The following HS3ST4 variants were observed in gnomAD, a reference collection of about 807,000 sequenced individuals.
HS3ST4 encodes heparan sulfate-glucosamine 3-sulfotransferase 4.
A neutral mutation model predicts 29.2 loss-of-function variants in HS3ST4; 17 were observed. The observed-to-expected ratio is 0.58, with a 90% CI of 0.40 to 0.87. The LOEUF is 0.87. Ranked by LOEUF, HS3ST4 falls within the 40% of genes least tolerant of loss-of-function variation. HS3ST4 has a pLI of 0.00. For missense variants in HS3ST4, 627 were observed against 634.5 expected (o/e 0.99, Z 0.13); for synonymous variants, 314 against 285.7 (o/e 1.10, Z -1.00).
intron 1 of HS3ST4, among the ~76,000 whole-genome samples, chr16:25,795,228 C>T (rs1329489990): frequency 6.6e-6 from 1 of 152,050 alleles, no homozygotes; most frequent in African/African-American, 2.4e-5. Flanking sequence ...GCCTAGGCCT[C>T]CCAAAGTGCT....
rs1267470419 is a variant in HS3ST4 at position 25,701,030 on chromosome 16, T to TGGGGATAACTTGGTTTC, written c.734+7880_734+7896dup. ...GATTGCCTTACGTGATTGAGAAGTC[T>TGGGGATAACTTGGTTTC]GGGGATAACTTGGTTTCAGGAAAAA... On this transcript the variant is annotated intron_variant, in intron 1 of 1. Transcript: ENST00000331351. 3.3e-5 allele frequency among the ~76,000 whole-genome samples: 5 copies of TGGGGATAACTTGGTTTC among 152,164 alleles called. No homozygotes were observed. The East Asian group carries it at 9.6e-4, about 29-fold the overall frequency.
At chr16:25,749,238 A>C (rs1966703521) in intron 1 of HS3ST4, among the ~76,000 whole-genome samples, 1 of 152,212 alleles carries the variant, frequency 6.6e-6, no homozygotes, top group African/African-American at 2.4e-5. Context: ...TCACACCTGT[A>C]ATCCCAGCAC....
intron 1 of HS3ST4, among the ~76,000 whole-genome samples, chr16:25,978,369 C>T (rs1168124753): frequency 6.6e-6 from 1 of 152,232 alleles, no homozygotes; most frequent in Non-Finnish European, 1.5e-5. Context: ...GCCCTACAGT[C>T]TCTGTTGTAA....
chr16:26,075,257 G>A (rs949045843), intron 1 of HS3ST4, among the ~76,000 whole-genome samples: 5 of 152,114 alleles, frequency 3.3e-5, no homozygotes, highest in African/African-American at 1.2e-4. Context: ...CCCTTTTCCT[G>A]AGTCTCTCCT....
chr16:26,049,633 A>C (rs1356843866), intron 1 of HS3ST4, among the ~76,000 whole-genome samples: 2 of 152,138 alleles, frequency 1.3e-5, no homozygotes, highest in African/African-American at 4.8e-5. Flanking sequence ...GCAATTCTGC[A>C]GTGGACACCA....
At chr16:25,771,381 A>G (rs1235648916) in intron 1 of HS3ST4, among the ~76,000 whole-genome samples, 1 of 151,930 alleles carries the variant, frequency 6.6e-6, no homozygotes, top group East Asian at 1.9e-4. Flanking sequence ...GCTGTTCCCC[A>G]TCCAGTGCTC....
chr16:26,056,034 G>A lies in HS3ST4; in HGVS notation c.735-79578G>A, dbSNP rs1028449284. On this transcript the variant is annotated intron_variant, in intron 1 of 1. Transcript: ENST00000331351. ...TGTATCCTAATTTGCATGAGAAAGA[G>A]AGAGACAGAGAGAGAGAGAGAGAGA... Among the ~76,000 whole-genome samples the A allele has an allele frequency of 3.3e-4, 19 of 57,592 alleles. No homozygotes were observed. The East Asian group carries it at 6.5e-3, about 20-fold the overall frequency. The allele number at this position is 57,592 out of a possible 152,430, so 37.8% of individuals were successfully genotyped here. A position where few individuals can be genotyped will look rare whatever the true frequency, so the allele number is the denominator to read the frequency against.
intron 1 of HS3ST4, among the ~76,000 whole-genome samples, chr16:25,889,255 T>A (rs2141667952): frequency 6.6e-6 from 1 of 152,306 alleles, no homozygotes; most frequent in South Asian, 2.1e-4. Context: ...TGAGGGACTC[T>A]CTCCTTTGCC....
At chr16:25,783,936 G>T (rs187270274) in intron 1 of HS3ST4, among the ~76,000 whole-genome samples, 1 of 152,126 alleles carries the variant, frequency 6.6e-6, no homozygotes, top group Non-Finnish European at 1.5e-5. Context: ...CACATTGAGG[G>T]TTTCTGGCGA....
At chr16:25,852,734 GA>G (rs1967534223) in intron 1 of HS3ST4, among the ~76,000 whole-genome samples, 1 of 151,838 alleles carries the variant, frequency 6.6e-6, no homozygotes, top group Non-Finnish European at 1.5e-5. Flanking sequence ...TTAATTACAT[GA>G]AATCAAGCAG....
chr16:25,841,565 G>T (rs1189846322), intron 1 of HS3ST4, among the ~76,000 whole-genome samples: 1 of 152,188 alleles, frequency 6.6e-6, no homozygotes, highest in East Asian at 1.9e-4. Flanking sequence ...GATTATAGGT[G>T]TAAGCCACTG....
chr16:26,067,028 A>T (rs1898551064), intron 1 of HS3ST4, among the ~76,000 whole-genome samples: 1 of 152,154 alleles, frequency 6.6e-6, no homozygotes, highest in African/African-American at 2.4e-5. Flanking sequence ...CAGGTAGGAA[A>T]GTCCTTGTAA....
rs190066977 is a variant in HS3ST4, at chr16:26,004,837, T to C, written c.735-130775T>C. Among the ~76,000 whole-genome samples the C allele has an allele frequency of 1.3e-3, 201 of 152,330 alleles. 1 individual carries two copies. The highest frequency in any genetic ancestry group is 4.8e-3 in the African/African-American group (199 of 41,584). ...ATTTGAAGTGGTTTTTATGATTTCATTTTTTCAGACTCCTTGGTCACTTGT... is the reference window on the plus strand; with the variant it reads ...ATTTGAAGTGGTTTTTATGATTTCACTTTTTCAGACTCCTTGGTCACTTGT... On this transcript the variant is annotated intron_variant, in intron 1 of 1. Transcript: ENST00000331351.
chr16:25,922,100 A>G (rs916451837), intron 1 of HS3ST4, among the ~76,000 whole-genome samples: 1 of 152,144 alleles, frequency 6.6e-6, no homozygotes, highest in Non-Finnish European at 1.5e-5. Context: ...GCTAATGGCC[A>G]TGGGCTGACT....
intron 1 of HS3ST4, among the ~76,000 whole-genome samples, chr16:25,977,413 C>T (rs1459168912): frequency 1.3e-5 from 2 of 152,164 alleles, no homozygotes; most frequent in African/African-American, 2.4e-5. Context: ...CCTCTTTTCC[C>T]TCTAAATTCT....
At chr16:25,952,223 C>T (rs1235920938) in intron 1 of HS3ST4, among the ~76,000 whole-genome samples, 1 of 152,126 alleles carries the variant, frequency 6.6e-6, no homozygotes, top group Non-Finnish European at 1.5e-5. Context: ...AAACAGTTTT[C>T]CAGGCTTGGT....
intron 1 of HS3ST4, among the ~76,000 whole-genome samples, chr16:25,969,607 A>G (rs958245609): frequency 2.6e-5 from 4 of 152,156 alleles, no homozygotes; most frequent in Admixed American, 2.6e-4. Context: ...CTCTCTTAGC[A>G]TCTCTGAGAG....
At chr16:26,095,931 G>A (rs1468163163) in intron 1 of HS3ST4, among the ~76,000 whole-genome samples, 1 of 151,930 alleles carries the variant, frequency 6.6e-6, no homozygotes, top group Non-Finnish European at 1.5e-5. Context: ...ATGATAAAGG[G>A]GATATCACCA....
At chr16:25,790,185 GTGA>G (rs56366983) in intron 1 of HS3ST4, among the ~76,000 whole-genome samples, 152,280 of 152,280 alleles carry the variant, frequency 1, 76,140 homozygotes, top group Non-Finnish European at 1. Flanking sequence ...AGGTGAGCAG[GTGA>G]TCACCTGAAG....
Sources: allele counts gnomAD v4.1 joint callset (sites outside exome capture counted in the v4.1 genomes callset), GRCh38; gene constraint gnomAD v4.1.1; transcripts MANE v1.5; gene names NCBI Gene and HGNC (gene_info 2026-07-23, HGNC 2026-07-21).